The following UBE2K variants were observed in gnomAD, a reference collection of about 807,000 sequenced individuals.
UBE2K encodes the protein ubiquitin-conjugating enzyme E2 K.
UBE2K carries 6 observed loss-of-function variants against 30.0 expected under a neutral mutation model. The ratio of observed to expected loss-of-function variants is 0.20; its 90% CI spans 0.11 to 0.39. UBE2K has a LOEUF of 0.39. Among genes scored for constraint, UBE2K ranks in the 10% least tolerant of loss-of-function variants. UBE2K has a pLI of 1.00. For synonymous variants in UBE2K, 86 were observed against 83.7 expected (o/e 1.03, Z -0.15); for missense variants, 61 against 241.6 (o/e 0.25, Z 4.96).
At chr4:39,721,383 ACC>A (rs1719410102) in intron 1 of UBE2K, among the ~76,000 whole-genome samples, 1 of 150,176 alleles carries the variant, frequency 6.7e-6, no homozygotes, top group Non-Finnish European at 1.5e-5. Flanking sequence ...TATTTGGGAG[ACC>A]CTCTGTCACC....
intron 4 of UBE2K, among the ~76,000 whole-genome samples, chr4:39,772,145 C>T (rs999559705): frequency 1.3e-5 from 2 of 152,100 alleles, no homozygotes; most frequent in Non-Finnish European, 2.9e-5. Context: ...CCTAAATTAA[C>T]TTTTATCGTA....
rs33995934 is a variant in UBE2K, at chr4:39,703,844, C to CA, written c.63+5473dup. Among the ~76,000 whole-genome samples the CA allele has an allele frequency of 5.3e-3, 560 of 105,116 alleles. 9 individuals are homozygous for CA. The highest frequency in any genetic ancestry group is 0.016 in the East Asian group (56 of 3,568). The allele number at this position is 105,116 out of a possible 152,430, so 69.0% of individuals were successfully genotyped here. On this transcript the variant is annotated intron_variant, in intron 1 of 6. Coordinates refer to ENST00000261427, the MANE Select transcript of UBE2K (RefSeq NM_005339.5). ...CTGGCGACAGAGCGAGACTCCATCT[C>CA]AAAAAAAAAAAAAAAAAAAGAATAC...
chr4:39,744,157 G>A (rs575671481), intron 2 of UBE2K, among the ~76,000 whole-genome samples: 4 of 147,104 alleles, frequency 2.7e-5, no homozygotes, highest in East Asian at 2.1e-4. Context: ...GCCATTGCAC[G>A]CAGCCCAGAG....
Position 39,711,228 on chromosome 4 carries a change from T to A in UBE2K, c.63+12838T>A, listed in dbSNP as rs375263523. 3.0e-4 allele frequency among the ~76,000 whole-genome samples: 44 copies of A among 148,308 alleles called. 1 individual carries two copies. The South Asian group carries it at 8.8e-3, about 30-fold the overall frequency. ...CCCAGGCTGGAGTGCAGTGGTGTGA[T>A]CTCGGCTCACTGCAAGCTCTGCCTC... On this transcript the variant is annotated intron_variant, in intron 1 of 6. Transcript: ENST00000261427.
intron 2 of UBE2K, among the ~76,000 whole-genome samples, chr4:39,744,246 C>T (rs1239881518): frequency 6.6e-6 from 1 of 152,074 alleles, no homozygotes; most frequent in African/African-American, 2.4e-5. Flanking sequence ...AATCTGGGCT[C>T]ACTGCAAGCT....
Position 39,779,954 on chromosome 4 carries a change from A to G in UBE2K, c.*1520A>G, listed in dbSNP as rs1415896827. On this transcript the variant is annotated 3_prime_UTR_variant, in exon 7 of 7. Coordinates refer to ENST00000261427, the MANE Select transcript of UBE2K (RefSeq NM_005339.5). ...CAGCATAACTTCATTTGACTTCTCAATAATCTTGATACTAGAAGCAATAAA... is the reference window on the plus strand; with the variant it reads ...CAGCATAACTTCATTTGACTTCTCAGTAATCTTGATACTAGAAGCAATAAA... 2 of 152,146 alleles carry G rather than the reference A, an allele frequency of 1.3e-5. No homozygotes were observed. Among genetic ancestry groups the G allele is most frequent in the African/African-American group, 4.8e-5 (2 of 41,450 alleles). The allele number at this position is 152,146 out of a possible 1,614,324, so 9.4% of individuals were successfully genotyped here.
At chr4:39,776,775 A>G (rs1036625536) in intron 5 of UBE2K, among the ~76,000 whole-genome samples, 2 of 151,928 alleles carry the variant, frequency 1.3e-5, no homozygotes, top group African/African-American at 4.8e-5. Flanking sequence ...AGGGTTTTCC[A>G]TGTTTTATAT....
At chr4:39,774,431 C>A (rs1288371998) in intron 4 of UBE2K, among the ~76,000 whole-genome samples, 1 of 151,330 alleles carries the variant, frequency 6.6e-6, no homozygotes, top group Non-Finnish European at 1.5e-5. Flanking sequence ...CACTGTGAAA[C>A]CCCGTCTCTA....
At chr4:39,742,611 G>A (rs182889457) in intron 2 of UBE2K, among the ~76,000 whole-genome samples, 32 of 152,144 alleles carry the variant, frequency 2.1e-4, no homozygotes, top group African/African-American at 5.5e-4. Flanking sequence ...GCATGGTGGC[G>A]CGCACCTGTA....
intron 1 of UBE2K, among the ~76,000 whole-genome samples, chr4:39,708,213 A>G (rs1718484231): frequency 1.3e-5 from 2 of 152,090 alleles, no homozygotes; most frequent in South Asian, 4.1e-4. Context: ...ATTCTTAAGT[A>G]AATGAACTTT....
intron 4 of UBE2K, among the ~76,000 whole-genome samples, chr4:39,767,489 A>G (rs1712423620): frequency 6.6e-6 from 1 of 151,736 alleles, no homozygotes; most frequent in South Asian, 2.1e-4. Flanking sequence ...ACGCCCGGCT[A>G]ATTTTTTTGT....
intron 4 of UBE2K, among the ~76,000 whole-genome samples, chr4:39,771,931 C>T (rs1419200723): frequency 6.6e-6 from 1 of 152,106 alleles, no homozygotes; most frequent in African/African-American, 2.4e-5. Context: ...ACCTTCGCCT[C>T]CCAGGTTCGA....
intron 3 of UBE2K, among the ~76,000 whole-genome samples, chr4:39,755,284 A>G (rs1392541050): frequency 6.6e-6 from 1 of 152,218 alleles, no homozygotes; most frequent in Non-Finnish European, 1.5e-5. Flanking sequence ...ACCCTGCCTC[A>G]CATGAAGAAA....
chr4:39,738,245 A>G (rs1720485012), intron 2 of UBE2K, among the ~76,000 whole-genome samples: 1 of 152,218 alleles, frequency 6.6e-6, no homozygotes, highest in African/African-American at 2.4e-5. Context: ...ATAACAATAT[A>G]TGGTAACCCT....
intron 2 of UBE2K, among the ~76,000 whole-genome samples, chr4:39,740,546 G>GA (rs1052935330): frequency 4.2e-4 from 54 of 128,364 alleles, no homozygotes; most frequent in Non-Finnish European, 5.9e-4. Flanking sequence ...GTCCCAAAAA[G>GA]AAAAAAAAAA....
intron 2 of UBE2K, among the ~76,000 whole-genome samples, chr4:39,740,370 T>C (rs1185457306): frequency 1.3e-5 from 2 of 151,974 alleles, no homozygotes; most frequent in African/African-American, 2.4e-5. Context: ...TTATATACAT[T>C]AAGATATATT....
chr4:39,738,682 T>C (rs1169449907), intron 2 of UBE2K, among the ~76,000 whole-genome samples: 1 of 152,112 alleles, frequency 6.6e-6, no homozygotes, highest in East Asian at 1.9e-4. Flanking sequence ...GTTCATTTTT[T>C]GATTGTTTGT....
chr4:39,769,959 G>T (rs1712655394), intron 4 of UBE2K: 3 of 684,296 alleles, frequency 4.4e-6, no homozygotes, highest in Middle Eastern at 4.1e-4. Flanking sequence ...GTGTGCATCT[G>T]CTCAGCCTCC....
chr4:39,707,299 G>A (rs781276807), intron 1 of UBE2K, among the ~76,000 whole-genome samples: 7 of 151,930 alleles, frequency 4.6e-5, no homozygotes, highest in Non-Finnish European at 1.0e-4. Context: ...TGCAGCTTCT[G>A]CTTCCCAGGT....
Sources: gnomAD v4.1 joint callset for allele counts (sites outside exome capture counted in the v4.1 genomes callset) on GRCh38, gnomAD v4.1.1 for gene constraint, MANE v1.5 for transcripts, NCBI Gene and HGNC (gene_info 2026-07-23, HGNC 2026-07-21) for gene names.